The following ENTREP2 variants were observed in gnomAD, a reference collection of about 807,000 sequenced individuals.
The protein encoded by ENTREP2 is endosomal transmembrane epsin interactor 2, also known as protein ENTREP2.
the ENTREP2 span, among the ~76,000 whole-genome samples, chr15:29,257,672 A>C: frequency 6.6e-6 from 1 of 152,216 alleles, no homozygotes; most frequent in Non-Finnish European, 1.5e-5. Context: ...TACCTTAAAA[A>C]TGTAAGCTAA....
chr15:29,648,610 G>A, the ENTREP2 span, among the ~76,000 whole-genome samples: 1 of 152,124 alleles, frequency 6.6e-6, no homozygotes, highest in African/African-American at 2.4e-5. Context: ...AATGATCAAG[G>A]TCAATACCAT....
chr15:29,137,199 A>T, the ENTREP2 span: 1 of 1,473,412 alleles, frequency 6.8e-7, no homozygotes, highest in African/African-American at 1.5e-5. Context: ...AAGGAACTGG[A>T]AAACAGAGAC....
chr15:29,207,863 C>G, the ENTREP2 span, among the ~76,000 whole-genome samples: 1 of 152,116 alleles, frequency 6.6e-6, no homozygotes. Flanking sequence ...TTTCCCTGTT[C>G]TGCACAATGG....
the ENTREP2 span, among the ~76,000 whole-genome samples, chr15:29,607,460 AT>A: frequency 6.6e-6 from 1 of 152,106 alleles, no homozygotes; most frequent in African/African-American, 2.4e-5. Context: ...ACCTTACAGA[AT>A]AATTATTTTT....
At chr15:29,599,411 G>C in the ENTREP2 span, among the ~76,000 whole-genome samples, 4 of 152,184 alleles carry the variant, frequency 2.6e-5, no homozygotes, top group Admixed American at 2.6e-4. Flanking sequence ...CCTTGGTCCA[G>C]GACCTTCTGA....
the ENTREP2 span, among the ~76,000 whole-genome samples, chr15:29,629,537 A>G: frequency 6.6e-6 from 1 of 152,192 alleles, no homozygotes; most frequent in Non-Finnish European, 1.5e-5. Flanking sequence ...TAGTATTGAC[A>G]TTTACCATAG....
the ENTREP2 span, among the ~76,000 whole-genome samples, chr15:29,369,137 G>T: frequency 6.6e-6 from 1 of 152,062 alleles, no homozygotes; most frequent in South Asian, 2.1e-4. Context: ...AACAGGAGAG[G>T]AGAGAAAGTG....
chr15:29,483,264 A>G, the ENTREP2 span, among the ~76,000 whole-genome samples: 3 of 152,182 alleles, frequency 2.0e-5, no homozygotes, highest in African/African-American at 7.2e-5. Context: ...ACTTCTGCAA[A>G]TATTTTCTCC....
the ENTREP2 span, among the ~76,000 whole-genome samples, chr15:29,532,242 C>T: frequency 6.6e-6 from 1 of 152,138 alleles, no homozygotes; most frequent in Non-Finnish European, 1.5e-5. Context: ...GAAAACATCA[C>T]TGGTAAACAA....
the ENTREP2 span, among the ~76,000 whole-genome samples, chr15:29,596,857 A>G: frequency 2.6e-5 from 4 of 151,912 alleles, no homozygotes; most frequent in Non-Finnish European, 5.9e-5. Flanking sequence ...TTTAGTAGAG[A>G]CAGGCTTTCG....
chr15:29,576,694 G>A, the ENTREP2 span, among the ~76,000 whole-genome samples: 1 of 152,222 alleles, frequency 6.6e-6, no homozygotes, highest in Non-Finnish European at 1.5e-5. Context: ...GAAGATAAAC[G>A]AGTGTCCTGT....
chr15:29,548,529 G>T, the ENTREP2 span, among the ~76,000 whole-genome samples: 1 of 150,736 alleles, frequency 6.6e-6, no homozygotes, highest in African/African-American at 2.4e-5. Flanking sequence ...ATTGAATTAA[G>T]CTGAATATAC....
At chr15:29,536,621 A>T in the ENTREP2 span, among the ~76,000 whole-genome samples, 2 of 151,470 alleles carry the variant, frequency 1.3e-5, no homozygotes, top group Non-Finnish European at 2.9e-5. Context: ...AAAAAAAAAA[A>T]GTCAAAGTTC....
At chr15:29,353,627 C>G in the ENTREP2 span, among the ~76,000 whole-genome samples, 1 of 152,186 alleles carries the variant, frequency 6.6e-6, no homozygotes, top group African/African-American at 2.4e-5. Context: ...ATTACAACAA[C>G]CTTTGCAATA....
At chr15:29,256,575 C>T in the ENTREP2 span, among the ~76,000 whole-genome samples, 1 of 152,262 alleles carries the variant, frequency 6.6e-6, no homozygotes, top group East Asian at 1.9e-4. Flanking sequence ...TTTATTCTTA[C>T]ATTACATTCT....
At chr15:29,267,317 T>C in the ENTREP2 span, 3 of 152,252 alleles carry the variant, frequency 2.0e-5, no homozygotes, top group Non-Finnish European at 2.9e-5. Context: ...TAAAACGTGT[T>C]GAATCTCTGC....
At chr15:29,152,921 T>C in the ENTREP2 span, among the ~76,000 whole-genome samples, 5 of 152,224 alleles carry the variant, frequency 3.3e-5, no homozygotes, top group South Asian at 4.1e-4. Context: ...GTATGAGTGA[T>C]TGGGTTTCTC....
the ENTREP2 span, among the ~76,000 whole-genome samples, chr15:29,255,879 T>C: frequency 6.6e-6 from 1 of 151,520 alleles, no homozygotes; most frequent in Non-Finnish European, 1.5e-5. Context: ...TGGGCGCCTG[T>C]AGTACCAGCT....
the ENTREP2 span, among the ~76,000 whole-genome samples, chr15:29,361,616 C>T: frequency 3.9e-5 from 6 of 152,172 alleles, no homozygotes; most frequent in African/African-American, 7.2e-5. Flanking sequence ...AGTCATTGCA[C>T]GGCTCAGGGC....
Sources: allele counts gnomAD v4.1 joint callset (sites outside exome capture counted in the v4.1 genomes callset), GRCh38; gene constraint gnomAD v4.1.1; transcripts MANE v1.5; gene names NCBI Gene and HGNC (gene_info 2026-07-23, HGNC 2026-07-21).